Variants in PODXL2 observed in about 807,000 individuals in gnomAD.
The protein encoded by PODXL2 is podocalyxin-like protein 2.
In PODXL2, 17 loss-of-function variants were observed where a neutral mutation model predicts 53.4. The ratio of observed to expected loss-of-function variants is 0.32; its 90% CI spans 0.22 to 0.48. PODXL2 has a LOEUF of 0.48. Among genes scored for constraint, PODXL2 ranks in the 20% least tolerant of loss-of-function variants. PODXL2 has a pLI of 0.99. For synonymous variants in PODXL2, 311 were observed against 306.7 expected (o/e 1.01, Z -0.15); for missense variants, 673 against 760.0 (o/e 0.89, Z 1.35).
chr3:127,659,442 G>A (rs960429041), intron 2 of PODXL2, among the ~76,000 whole-genome samples: 4 of 152,128 alleles, frequency 2.6e-5, no homozygotes, highest in African/African-American at 9.7e-5. Flanking sequence ...AATACCTTTA[G>A]TTCGCTATCT....
intron 2 of PODXL2, among the ~76,000 whole-genome samples, chr3:127,643,684 G>C (rs1215017980): frequency 1.3e-5 from 2 of 151,632 alleles, no homozygotes; most frequent in Non-Finnish European, 2.9e-5. Context: ...TGTACCTCAG[G>C]CTGGAGTGCA....
At chr3:127,669,808 C>G (rs1372901564) in intron 6 of PODXL2, among the ~76,000 whole-genome samples, 2 of 152,204 alleles carry the variant, frequency 1.3e-5, no homozygotes, top group Admixed American at 1.3e-4. Flanking sequence ...CTCTCCTACC[C>G]AGCTGCCGCA....
At chr3:127,659,156 T>C (rs1444563682) in intron 2 of PODXL2, among the ~76,000 whole-genome samples, 1 of 152,226 alleles carries the variant, frequency 6.6e-6, no homozygotes, top group Non-Finnish European at 1.5e-5. Flanking sequence ...CTGAGGATAC[T>C]AATTAGACTT....
At chr3:127,659,216 T>C (rs140449537) in intron 2 of PODXL2, among the ~76,000 whole-genome samples, 74 of 152,340 alleles carry the variant, frequency 4.9e-4, no homozygotes, top group Admixed American at 2.6e-3. Flanking sequence ...ACATCCTTGC[T>C]CCCACAGTTG....
At chr3:127,668,416 CG>C in intron 4 of PODXL2, 24 bp from the exon 5 acceptor site, 5 of 1,494,908 alleles carry the variant, frequency 3.3e-6, no homozygotes, top group East Asian at 2.5e-5. Flanking sequence ...TCACTGAACA[CG>C]GGGGGCTCTT....
At chr3:127,667,593 G>C (rs2074800854) in intron 4 of PODXL2, among the ~76,000 whole-genome samples, 1 of 152,190 alleles carries the variant, frequency 6.6e-6, no homozygotes, top group African/African-American at 2.4e-5. Context: ...AGGAGGCAGG[G>C]TTCTGGCCTG....
In PODXL2 at chr3:127,629,340, C is replaced by T. The variant is rs2074526163; in HGVS notation, c.70+51C>T. On this transcript the variant is annotated intron_variant, in intron 1 of 7. Transcript: ENST00000342480. This position sits in a 1 kb window ranked among gnomAD's most constrained non-coding sequence, Gnocchi z 6.4. ...GGGAGGGCGGGCGGCGGCGTGGGCG[C>T]GGTGCTGGACAGCTCCCCGGGCCGC... is the stretch of plus-strand genomic sequence containing the variant. The T allele has an allele frequency of 4.0e-6, 4 of 1,005,078 alleles. No homozygotes were observed. In the South Asian group the frequency reaches 1.3e-4, roughly 34 times the overall value. The allele number at this position is 1,005,078 out of a possible 1,614,324, so 62.3% of individuals were successfully genotyped here. A position where few individuals can be genotyped will look rare whatever the true frequency, so the allele number is the denominator to read the frequency against.
intron 2 of PODXL2, among the ~76,000 whole-genome samples, chr3:127,645,399 A>G (rs1479517135): frequency 6.6e-6 from 1 of 152,090 alleles, no homozygotes; most frequent in African/African-American, 2.4e-5. Context: ...GTGCTAGTGG[A>G]TATGTATTCG....
At chr3:127,649,458 C>T (rs1307008936) in intron 2 of PODXL2, among the ~76,000 whole-genome samples, 1 of 152,240 alleles carries the variant, frequency 6.6e-6, no homozygotes, top group Non-Finnish European at 1.5e-5. Context: ...TAAAGCTTCT[C>T]GTTCCTGTGA....
chr3:127,656,612 A>G (rs1028580851), intron 2 of PODXL2, among the ~76,000 whole-genome samples: 8 of 151,210 alleles, frequency 5.3e-5, no homozygotes, highest in Non-Finnish European at 5.9e-5. Context: ...GTGCATGCCT[A>G]TAGTCCCAGC....
At chr3:127,668,728 T>TG in intron 5 of PODXL2, 131 bp downstream of exon 5, 1 of 912,520 alleles carries the variant, frequency 1.1e-6, no homozygotes, top group Non-Finnish European at 1.6e-6. Context: ...TTTGAGCTAC[T>TG]TAGCTTAGTG....
intron 2 of PODXL2, among the ~76,000 whole-genome samples, chr3:127,648,377 C>T (rs2074668267): frequency 6.6e-6 from 1 of 152,218 alleles, no homozygotes; most frequent in African/African-American, 2.4e-5. Flanking sequence ...GGGTCATTGC[C>T]CACACATCAG....
chr3:127,635,075 C>G (rs1381151849), intron 1 of PODXL2, among the ~76,000 whole-genome samples: 2 of 152,166 alleles, frequency 1.3e-5, no homozygotes, highest in African/African-American at 2.4e-5. Flanking sequence ...GCCATGTGCC[C>G]CCCTGAGTGG....
At chr3:127,630,216 A>G (rs1053392755) in intron 1 of PODXL2, among the ~76,000 whole-genome samples, 1 of 152,190 alleles carries the variant, frequency 6.6e-6, no homozygotes, top group Non-Finnish European at 1.5e-5. Context: ...GGTGGGTCAA[A>G]TAAGGTCATA....
intron 2 of PODXL2, among the ~76,000 whole-genome samples, chr3:127,652,093 A>G (rs2074692904): frequency 6.6e-6 from 1 of 152,248 alleles, no homozygotes; most frequent in Non-Finnish European, 1.5e-5. Context: ...CTAAATGACC[A>G]GGATGTGTCA....
At chr3:127,650,934 C>G (rs2107708860) in intron 2 of PODXL2, among the ~76,000 whole-genome samples, 1 of 152,236 alleles carries the variant, frequency 6.6e-6, no homozygotes, top group Non-Finnish European at 1.5e-5. Flanking sequence ...GCTGGGATTA[C>G]AGGCGTGAGC....
intron 4 of PODXL2, among the ~76,000 whole-genome samples, chr3:127,667,929 C>T (rs2074804214): frequency 6.6e-6 from 1 of 152,210 alleles, no homozygotes; most frequent in African/African-American, 2.4e-5. Context: ...CTGGCCCTCC[C>T]CGATTTTTGG....
At chr3:127,653,601 G>A (rs1341607129) in intron 2 of PODXL2, among the ~76,000 whole-genome samples, 5 of 151,646 alleles carry the variant, frequency 3.3e-5, no homozygotes, top group African/African-American at 1.2e-4. Flanking sequence ...AGCCAAGATC[G>A]TGCCAATGCA....
chr3:127,642,856 C>T (rs2074629403), intron 2 of PODXL2, among the ~76,000 whole-genome samples: 1 of 152,122 alleles, frequency 6.6e-6, no homozygotes, highest in Admixed American at 6.5e-5. Context: ...TGTCATTTAA[C>T]AGTGATGCAA....
Sources: gnomAD v4.1 joint callset for allele counts (sites outside exome capture counted in the v4.1 genomes callset) on GRCh38, gnomAD v4.1.1 for gene constraint, Gnocchi (gnomAD v3.1) non-coding constraint, MANE v1.5 for transcripts, NCBI Gene and HGNC (gene_info 2026-07-23, HGNC 2026-07-21) for gene names.